NAV1: variants seen among roughly 807,000 people sequenced by gnomAD.
NAV1 encodes pore membrane and/or filament interacting like protein 3.
NAV1 carries 18 observed loss-of-function variants against 175.2 expected under a neutral mutation model. The ratio of observed to expected loss-of-function variants is 0.10; its 90% CI spans 0.07 to 0.15. The LOEUF is 0.15. Among genes scored for constraint, NAV1 ranks in the 10% least tolerant of loss-of-function variants. NAV1 has a pLI of 1.00. For missense variants in NAV1, 1,731 were observed against 2,436.6 expected, an observed-to-expected ratio of 0.71 and a Z score of 6.10; for synonymous variants, 897 against 978.7, an observed-to-expected ratio of 0.92 and a Z score of 1.56.
intron 3 of NAV1, among the ~76,000 whole-genome samples, chr1:201,761,487 G>T (rs1000736426): frequency 2.0e-5 from 3 of 152,076 alleles, no homozygotes; most frequent in African/African-American, 7.2e-5. Flanking sequence ...TATGAATTTG[G>T]GGCCTGATTC....
At chr1:201,541,536 C>A (rs1211287826) in intron 1 of NAV1, among the ~76,000 whole-genome samples, 1 of 152,108 alleles carries the variant, frequency 6.6e-6, no homozygotes, top group Non-Finnish European at 1.5e-5. Context: ...TGGCTCATGC[C>A]CGTAAGAGGG....
chr1:201,712,529 C>T (rs1671950327), intron 1 of NAV1, among the ~76,000 whole-genome samples: 1 of 152,144 alleles, frequency 6.6e-6, no homozygotes, highest in African/African-American at 2.4e-5. Flanking sequence ...AAAACAAAGC[C>T]AGAGGTAGAG....
chr1:201,627,144 GGGT>G (rs1428885308), intron 1 of NAV1, among the ~76,000 whole-genome samples: 60 of 152,184 alleles, frequency 3.9e-4, no homozygotes. Context: ...CCCCAGGCTG[GGGT>G]GCAGTGGCAC....
chr1:201,713,274 A>T (rs1671989602), intron 2 of NAV1, among the ~76,000 whole-genome samples: 1 of 152,214 alleles, frequency 6.6e-6, no homozygotes, highest in Non-Finnish European at 1.5e-5. Flanking sequence ...AAGGTTTACT[A>T]AATGCTCTCT....
At chr1:201,562,014 G>GTT (rs1007399408) in intron 1 of NAV1, among the ~76,000 whole-genome samples, 5 of 151,940 alleles carry the variant, frequency 3.3e-5, no homozygotes, top group Non-Finnish European at 5.9e-5. Context: ...TTATTTTTCG[G>GTT]TTTTTTTAGA....
At position 201,648,767 on chromosome 1, in the gene NAV1, G is replaced by A. The variant is rs755000127; in HGVS notation, c.99G>A (p.Lys33=). 31 of 1,401,970 alleles carry A rather than the reference G, an allele frequency of 2.2e-5. No individual in the cohort carries two copies. The Admixed American group carries it at 8.0e-4, about 36-fold the overall frequency. The allele number at this position is 1,401,970 out of a possible 1,614,324, so 86.8% of individuals were successfully genotyped here. Residue 33 remains lysine (K), a synonymous_variant, in exon 1 of 30, where the codon AAG becomes AAA. Coordinates refer to ENST00000367296, the Ensembl canonical transcript of NAV1. ...ACGAACCGCGGGGCGCCGGCAGGAA[G>A]GCGGCAGCGGCGGACGGCAGAGGCA...
chr1:201,612,939 C>T (rs1483609633), intron 2 of NAV1, among the ~76,000 whole-genome samples: 1 of 152,066 alleles, frequency 6.6e-6, no homozygotes, highest in Non-Finnish European at 1.5e-5. Flanking sequence ...CCAAGGGACA[C>T]ACTTCTCTCT....
intron 1 of NAV1, among the ~76,000 whole-genome samples, chr1:201,575,898 A>T (rs1666680051): frequency 6.6e-6 from 1 of 152,092 alleles, no homozygotes; most frequent in Non-Finnish European, 1.5e-5. Context: ...TTACTCAATT[A>T]TTTATTCGTG....
At chr1:201,670,380 CAAAAAAAAAAAAAAAAAA>C (rs58216500) in intron 1 of NAV1, among the ~76,000 whole-genome samples, 2 of 12,170 alleles carry the variant, frequency 1.6e-4, no homozygotes, top group African/African-American at 2.8e-4. Flanking sequence ...GACTCCATCT[CAAAAAAAAAAAAAAAAAA>C]AAAAAAAAAA....
chr1:201,638,642 A>G (rs1182845879), intron 2 of NAV1, among the ~76,000 whole-genome samples: 2 of 152,228 alleles, frequency 1.3e-5, no homozygotes, highest in African/African-American at 4.8e-5. Context: ...TGGTAATAGC[A>G]TGAAGTTATG....
intron 1 of NAV1, among the ~76,000 whole-genome samples, chr1:201,553,693 C>T (rs779030638): frequency 5.3e-5 from 8 of 152,164 alleles, no homozygotes; most frequent in Admixed American, 5.2e-4. Context: ...CCACTGTCTC[C>T]GTGTTCTGAT....
intron 1 of NAV1, among the ~76,000 whole-genome samples, chr1:201,625,332 T>C (rs1668300253): frequency 6.6e-6 from 1 of 152,170 alleles, no homozygotes. Flanking sequence ...ATCACCATGG[T>C]GGTTAGAAGT....
At chr1:201,764,334 C>A (rs980268872) in intron 3 of NAV1, among the ~76,000 whole-genome samples, 2 of 152,194 alleles carry the variant, frequency 1.3e-5, no homozygotes, top group Non-Finnish European at 2.9e-5. Flanking sequence ...CCCAGCAGTG[C>A]AAAATCAAGG....
chr1:201,549,363 C>T (rs1004807207), intron 1 of NAV1, among the ~76,000 whole-genome samples: 2 of 152,088 alleles, frequency 1.3e-5, no homozygotes, highest in African/African-American at 4.8e-5. Flanking sequence ...CATGTACCAC[C>T]ACGCCTGGCT....
In NAV1 at chr1:201,812,333, A is replaced by T; in HGVS notation, c.5025-132A>T. ...TGCTGCTCTGAGTTCCGATGTCCCC[A>T]CTATTACTTGAAAAGAAACCAAGTA... On this transcript the variant is annotated intron_variant, in intron 26 of 29. Transcript: ENST00000367296. The surrounding 1 kb of genome is among the most constrained non-coding windows in gnomAD (Gnocchi z 4.6). The T allele has an allele frequency of 1.1e-6, 1 of 872,690 alleles. No individual in the cohort carries two copies. The highest frequency in any genetic ancestry group is 1.8e-6 in the Non-Finnish European group (1 of 563,252). 54.1% of individuals were successfully genotyped at this position (872,690 alleles called of 1,614,324 possible). A position where few individuals can be genotyped will look rare whatever the true frequency, so the allele number is the denominator to read the frequency against.
At chr1:201,692,006 G>A (rs1040341769) in intron 1 of NAV1, among the ~76,000 whole-genome samples, 1 of 152,172 alleles carries the variant, frequency 6.6e-6, no homozygotes, top group African/African-American at 2.4e-5. Context: ...TTCACGCTTT[G>A]TGTGTGGCTC....
At chr1:201,763,788 TC>T (rs1675011735) in intron 3 of NAV1, among the ~76,000 whole-genome samples, 1 of 152,180 alleles carries the variant, frequency 6.6e-6, no homozygotes, top group Admixed American at 6.5e-5. Flanking sequence ...AATTACCCTT[TC>T]CCACATTAAG....
chr1:201,615,809 T>G (rs982572693), intron 2 of NAV1, among the ~76,000 whole-genome samples: 1 of 152,220 alleles, frequency 6.6e-6, no homozygotes, highest in Admixed American at 6.5e-5. Context: ...CTGTCTAGTT[T>G]CCTACCCTTT....
chr1:201,712,321 T>G (rs1213463274), intron 1 of NAV1, among the ~76,000 whole-genome samples: 1 of 152,140 alleles, frequency 6.6e-6, no homozygotes, highest in East Asian at 1.9e-4. Context: ...ATTGGTAGAT[T>G]GAAAGTGGCC....
Sources: gnomAD v4.1 joint callset for allele counts (sites outside exome capture counted in the v4.1 genomes callset) on GRCh38, gnomAD v4.1.1 for gene constraint, Gnocchi (gnomAD v3.1) non-coding constraint, MANE v1.5 for transcripts, NCBI Gene and HGNC (gene_info 2026-07-23, HGNC 2026-07-21) for gene names.